EPB41: variants seen among roughly 807,000 people sequenced by gnomAD.
EPB41 encodes erythrocyte membrane protein band 4.1.
In EPB41, 65 loss-of-function variants were observed where a neutral mutation model predicts 108.0. The observed-to-expected ratio is 0.60, with a 90% CI of 0.49 to 0.74. EPB41 has a LOEUF of 0.74. Ranked by LOEUF, EPB41 falls within the 30% of genes least tolerant of loss-of-function variation. EPB41 has a pLI of 0.00. For synonymous variants in EPB41, 336 were observed against 358.9 expected (o/e 0.94, Z 0.72); for missense variants, 875 against 1,037.0 (o/e 0.84, Z 2.15).
At chr1:28,966,766 A>C (rs1201676482) in intron 1 of EPB41, among the ~76,000 whole-genome samples, 1 of 152,124 alleles carries the variant, frequency 6.6e-6, no homozygotes, top group Non-Finnish European at 1.5e-5. Context: ...CACAAATCCT[A>C]AGGTCCTGGC....
rs1356105546 is a variant in EPB41, at chr1:29,097,915, A to C, written c.2293A>C (p.Ile765Leu). ...TATTGTCCACACTGAGACCAAGACC[A>C]TCACTTATGAGGCTGCCCAGGTAGG... ...VPIVHTETKT[I>L]TYEAAQTDDN... The change falls in exon 17 of 21, where the codon ATC becomes CTC. Residue 765 changes from isoleucine (I) to leucine (L), a missense_variant. Physicochemically the swap from Ile to Leu is conservative, Grantham distance 5. Transcript: ENST00000343067. 6.2e-7 allele frequency: 1 copy of C among 1,614,018 alleles called. No individual in the cohort carries two copies. The highest frequency in any genetic ancestry group is 8.5e-7 in the Non-Finnish European group (1 of 1,179,878).
chr1:28,924,419 C>T (rs959704263), intron 1 of EPB41, among the ~76,000 whole-genome samples: 1 of 152,152 alleles, frequency 6.6e-6, no homozygotes, highest in African/African-American at 2.4e-5. Context: ...GTCCCAGCTA[C>T]TTGGGAGGTT....
intron 16 of EPB41, among the ~76,000 whole-genome samples, chr1:29,078,134 G>A (rs926396885): frequency 1.3e-5 from 2 of 152,072 alleles, no homozygotes; most frequent in Non-Finnish European, 1.5e-5. Context: ...ACTGAGAACC[G>A]CCTGAACCTG....
chr1:28,919,760 G>A (rs2092942723), intron 1 of EPB41, among the ~76,000 whole-genome samples: 1 of 152,132 alleles, frequency 6.6e-6, no homozygotes, highest in African/African-American at 2.4e-5. Flanking sequence ...CAGCCCAAAA[G>A]TCCTTTCTAT....
At chr1:28,925,546 A>T (rs775030930) in intron 1 of EPB41, among the ~76,000 whole-genome samples, 1 of 152,068 alleles carries the variant, frequency 6.6e-6, no homozygotes, top group Non-Finnish European at 1.5e-5. Context: ...TACATTTTAG[A>T]TAAGGGTGAT....
chr1:28,922,491 G>A (rs1311467482), intron 1 of EPB41, among the ~76,000 whole-genome samples: 1 of 151,608 alleles, frequency 6.6e-6, no homozygotes, highest in Non-Finnish European at 1.5e-5. Flanking sequence ...GGAGTGCAGT[G>A]GGGCAATCAT....
At position 28,941,894 on chromosome 1, in the gene EPB41, CAAA is replaced by C. The variant is rs58524634; in HGVS notation, c.-8+27145_-8+27147del. The stretch of plus-strand genomic sequence containing the variant: ...GGGCAACAAGAGTGAAGCTCTGTCT[CAAA>C]AAAAAAAAAAAAAAAAAAGCAAAAA... On this transcript the variant is annotated intron_variant, in intron 1 of 20. Transcript: ENST00000343067. Among the ~76,000 whole-genome samples, 4 of 64,868 alleles carry C rather than the reference CAAA, an allele frequency of 6.2e-5. No homozygotes were observed. In the East Asian group the frequency reaches 1.6e-3, roughly 26 times the overall value. The allele number at this position is 64,868 out of a possible 152,430, so 42.6% of individuals were successfully genotyped here.
At chr1:28,894,945 C>T (rs2090511231) in intron 1 of EPB41, among the ~76,000 whole-genome samples, 1 of 152,142 alleles carries the variant, frequency 6.6e-6, no homozygotes, top group Non-Finnish European at 1.5e-5. Context: ...CTGAACTTCC[C>T]AGCAGACTGG....
intron 7 of EPB41, among the ~76,000 whole-genome samples, chr1:29,023,456 G>GTT (rs2096672987): frequency 6.6e-6 from 1 of 151,794 alleles, no homozygotes; most frequent in Non-Finnish European, 1.5e-5. Flanking sequence ...GGGGGGCCAA[G>GTT]GCAGCCAGAT....
chr1:28,923,439 C>G (rs1483128340), intron 1 of EPB41, among the ~76,000 whole-genome samples: 2 of 152,104 alleles, frequency 1.3e-5, no homozygotes, highest in African/African-American at 4.8e-5. Flanking sequence ...CTCTAGCTTA[C>G]TAAGTAACCT....
chr1:28,956,771 G>C (rs906612823), intron 1 of EPB41, among the ~76,000 whole-genome samples: 4 of 152,156 alleles, frequency 2.6e-5, no homozygotes, highest in African/African-American at 9.7e-5. Context: ...TACTGTGGGA[G>C]ATACAGATAT....
upstream of EPB41, chr1:28,910,928 C>T: frequency 4.1e-6 from 4 of 971,112 alleles, no homozygotes; most frequent in Non-Finnish European, 4.9e-6. Flanking sequence ...GGGCTTGGGG[C>T]ATAGCACAGC....
At chr1:29,056,273 CAA>C (rs1431084768) in intron 12 of EPB41, among the ~76,000 whole-genome samples, 1 of 147,876 alleles carries the variant, frequency 6.8e-6, no homozygotes, top group Non-Finnish European at 1.5e-5. Context: ...CAAAACAAAA[CAA>C]AACAAAAAAA....
chr1:28,966,808 C>T (rs1194251125), intron 1 of EPB41, among the ~76,000 whole-genome samples: 1 of 152,024 alleles, frequency 6.6e-6, no homozygotes, highest in Non-Finnish European at 1.5e-5. Context: ...TAATAAACAA[C>T]GAGGAGACCC....
At chr1:29,110,671 C>G (rs374620047) in intron 18 of EPB41, among the ~76,000 whole-genome samples, 1 of 152,272 alleles carries the variant, frequency 6.6e-6, no homozygotes, top group East Asian at 1.9e-4. Context: ...TGACCAAGCT[C>G]TCTCATCAAT....
At chr1:28,937,632 A>T (rs1323472703) in intron 1 of EPB41, among the ~76,000 whole-genome samples, 4 of 152,142 alleles carry the variant, frequency 2.6e-5, no homozygotes, top group Non-Finnish European at 4.4e-5. Context: ...TGACCTCGTG[A>T]TCTGCCCGCC....
At chr1:29,080,426 T>G (rs1656093481) in intron 16 of EPB41, among the ~76,000 whole-genome samples, 1 of 145,626 alleles carries the variant, frequency 6.9e-6, no homozygotes, top group Non-Finnish European at 1.5e-5. Context: ...TTTTTTTTTT[T>G]GAGACAGGGT....
chr1:28,922,572 A>G (rs1025253884), intron 1 of EPB41, among the ~76,000 whole-genome samples: 1 of 151,158 alleles, frequency 6.6e-6, no homozygotes, highest in Non-Finnish European at 1.5e-5. Context: ...AGCTGGGACT[A>G]CAGGTGCATG....
upstream of EPB41, among the ~76,000 whole-genome samples, chr1:28,909,752 G>A (rs567860868): frequency 4.1e-4 from 62 of 152,146 alleles, no homozygotes; most frequent in African/African-American, 1.4e-3. Flanking sequence ...AGCCATGATT[G>A]TGCCACTGTA....
Sources: allele counts gnomAD v4.1 joint callset (sites outside exome capture counted in the v4.1 genomes callset), GRCh38; gene constraint gnomAD v4.1.1; transcripts MANE v1.5; gene names NCBI Gene and HGNC (gene_info 2026-07-23, HGNC 2026-07-21).